Variants in AKAP7 observed in about 807,000 individuals in gnomAD.
AKAP7 encodes the protein A kinase (PRKA) anchor protein 7.
A neutral mutation model predicts 39.5 loss-of-function variants in AKAP7; 39 were observed. That is an observed-to-expected ratio of 0.99 (90% CI 0.76 to 1.29). The LOEUF (loss-of-function observed/expected upper bound fraction) is 1.29. Among genes scored for constraint, AKAP7 ranks in the 50% most tolerant of loss-of-function variants. The pLI is 0.00. For missense variants in AKAP7, 414 were observed against 407.7 expected (o/e 1.02, Z -0.13); for synonymous variants, 140 against 139.1 (o/e 1.01, Z -0.05).
chr6:131,215,663 C>T (rs1162693714), intron 6 of AKAP7, among the ~76,000 whole-genome samples: 3 of 152,162 alleles, frequency 2.0e-5, no homozygotes, highest in Non-Finnish European at 4.4e-5. Flanking sequence ...AAGCCCCATG[C>T]CAATATATAA....
rs970470907 is a variant in AKAP7 at position 131,177,335 on chromosome 6, T to G, written c.589+8062T>G. Among the ~76,000 whole-genome samples the G allele has an allele frequency of 1.1e-4, 16 of 152,216 alleles. 1 individual carries two copies. Among genetic ancestry groups the G allele is most frequent in the Admixed American group, 7.2e-4 (11 of 15,296 alleles). On this transcript the variant is annotated intron_variant, in intron 5 of 7. Coordinates refer to ENST00000431975, the MANE Select transcript of AKAP7 (RefSeq NM_016377.4). ...AGAGCATAGCACTGCACTGGCTGGC[T>G]CCCGGTGAGAACCACATGCTGGGTC...
At chr6:131,221,405 C>T (rs1274809722) in intron 7 of AKAP7, among the ~76,000 whole-genome samples, 9 of 152,156 alleles carry the variant, frequency 5.9e-5, no homozygotes, top group African/African-American at 1.2e-4. Context: ...TAAAAGTGCA[C>T]GGTGAAGCAG....
At chr6:131,244,928 G>T (rs1471128481) in intron 7 of AKAP7, among the ~76,000 whole-genome samples, 1 of 152,036 alleles carries the variant, frequency 6.6e-6, no homozygotes, top group East Asian at 1.9e-4. Context: ...TTTAGTTTTA[G>T]AGAAAAACAA....
intron 2 of AKAP7, among the ~76,000 whole-genome samples, chr6:131,154,415 A>T (rs554385469): frequency 4.3e-4 from 66 of 151,848 alleles, no homozygotes; most frequent in South Asian, 8.4e-4. Flanking sequence ...AGAAAGCTAG[A>T]ACTGGAAGAG....
chr6:131,181,081 G>T (rs113532988), intron 5 of AKAP7, among the ~76,000 whole-genome samples: 1 of 151,880 alleles, frequency 6.6e-6, no homozygotes, highest in African/African-American at 2.4e-5. Flanking sequence ...GATTACAGGC[G>T]CCTGCCACCA....
rs1477756098 is a variant in AKAP7, at chr6:131,160,051, T to A, written c.152-8T>A. 1 of 1,571,824 alleles carries A rather than the reference T, an allele frequency of 6.4e-7. No individual in the cohort carries two copies. The highest frequency in any genetic ancestry group is 1.2e-5 in the South Asian group (1 of 83,090). On this transcript the variant is annotated splice_region_variant and splice_polypyrimidine_tract_variant and intron_variant, in intron 2 of 7. Transcript: ENST00000431975. ...TATTAGACGTATTGTTTGACTTTTT[T>A]CCTCTAGTCACTGATGAACCTCAAA...
At chr6:131,274,369 T>C (rs1585224321) in intron 7 of AKAP7, among the ~76,000 whole-genome samples, 1 of 152,164 alleles carries the variant, frequency 6.6e-6, no homozygotes, top group African/African-American at 2.4e-5. Flanking sequence ...TCTTTCCTTA[T>C]CTTCCTTCCC....
At chr6:131,171,225 C>T (rs1342127871) in intron 5 of AKAP7, among the ~76,000 whole-genome samples, 8 of 151,986 alleles carry the variant, frequency 5.3e-5, no homozygotes, top group Non-Finnish European at 1.2e-4. Context: ...AACAAACAGG[C>T]AAGCAATTAC....
intron 7 of AKAP7, among the ~76,000 whole-genome samples, chr6:131,247,989 TAA>T (rs1386553298): frequency 6.6e-6 from 1 of 152,094 alleles, no homozygotes; most frequent in Non-Finnish European, 1.5e-5. Context: ...ATAATAAAGT[TAA>T]GTTGGTAGGA....
intron 7 of AKAP7, among the ~76,000 whole-genome samples, chr6:131,223,768 G>T (rs1809912357): frequency 6.6e-6 from 1 of 152,070 alleles, no homozygotes; most frequent in Non-Finnish European, 1.5e-5. Context: ...AAAAAATTAG[G>T]AATATGTTGA....
chr6:131,207,227 GA>G (rs1366949532), intron 6 of AKAP7, among the ~76,000 whole-genome samples: 1 of 151,820 alleles, frequency 6.6e-6, no homozygotes, highest in Non-Finnish European at 1.5e-5. Flanking sequence ...GTACTGATAG[GA>G]AGATAGGGGC....
chr6:131,241,637 A>ATATGTGTGTGTGTGTGTGTG (rs1554217972), intron 7 of AKAP7, among the ~76,000 whole-genome samples: 2 of 78,788 alleles, frequency 2.5e-5, no homozygotes, highest in Admixed American at 1.3e-4. Context: ...GTATATATAT[A>ATATGTGTGTGTGTGTGTGTG]TGACAGTTAT....
chr6:131,248,230 A>G (rs1033003193), intron 7 of AKAP7, among the ~76,000 whole-genome samples: 4 of 152,168 alleles, frequency 2.6e-5, no homozygotes, highest in African/African-American at 9.7e-5. Flanking sequence ...CTATTTTGCA[A>G]TGCAAATTAA....
chr6:131,204,675 G>C (rs545194290), intron 6 of AKAP7, among the ~76,000 whole-genome samples: 5 of 152,328 alleles, frequency 3.3e-5, no homozygotes, highest in African/African-American at 1.2e-4. Flanking sequence ...ACCTTGGTGA[G>C]TGGAGTGTAA....
intron 7 of AKAP7, among the ~76,000 whole-genome samples, chr6:131,254,939 A>C (rs1442135107): frequency 1.3e-5 from 2 of 152,208 alleles, no homozygotes; most frequent in Non-Finnish European, 2.9e-5. Context: ...CTGATATTAC[A>C]TTAATCCATA....
intron 5 of AKAP7, among the ~76,000 whole-genome samples, chr6:131,171,641 G>A (rs1291093618): frequency 2.0e-5 from 3 of 152,160 alleles, no homozygotes; most frequent in Non-Finnish European, 4.4e-5. Context: ...AGCATGTAAT[G>A]GGGTTGCAGA....
intron 7 of AKAP7, among the ~76,000 whole-genome samples, chr6:131,227,509 A>C (rs1307342608): frequency 6.6e-6 from 1 of 152,220 alleles, no homozygotes; most frequent in East Asian, 1.9e-4. Context: ...ATACACTAAA[A>C]CAAGGATGAT....
chr6:131,183,361 G>A (rs1381134849), intron 5 of AKAP7, among the ~76,000 whole-genome samples: 3 of 152,150 alleles, frequency 2.0e-5, no homozygotes, highest in Non-Finnish European at 4.4e-5. Context: ...GCTTCCCCAT[G>A]AGCTGAGAGC....
At chr6:131,156,719 G>A (rs917774585) in intron 2 of AKAP7, among the ~76,000 whole-genome samples, 11 of 151,498 alleles carry the variant, frequency 7.3e-5, no homozygotes, top group African/African-American at 2.7e-4. Flanking sequence ...GGTGCAAGTG[G>A]TCTAGATGAG....
Sources: allele counts gnomAD v4.1 joint callset (sites outside exome capture counted in the v4.1 genomes callset), GRCh38; gene constraint gnomAD v4.1.1; transcripts MANE v1.5; gene names NCBI Gene and HGNC (gene_info 2026-07-23, HGNC 2026-07-21).